PRKAR1A: variants seen among roughly 807,000 people sequenced by gnomAD.
PRKAR1A encodes the protein cAMP-dependent protein kinase type I-alpha regulatory subunit.
PRKAR1A carries 3 observed loss-of-function variants against 52.0 expected under a neutral mutation model. That is an observed-to-expected ratio of 0.06 (90% confidence interval 0.03 to 0.15). The LOEUF is 0.15. Ranked by LOEUF, PRKAR1A falls within the 10% of genes least tolerant of loss-of-function variation. The probability of loss-of-function intolerance (pLI) is 1.00; values close to 1 mark genes in which losing one functional copy is unlikely to be tolerated. For synonymous variants in PRKAR1A, 188 were observed against 168.4 expected, an observed-to-expected ratio of 1.12 and a Z score of -0.90; for missense variants, 240 against 477.4, an observed-to-expected ratio of 0.50 and a Z score of 4.63.
At chr17:68,482,441 T>C in the PRKAR1A span, among the ~76,000 whole-genome samples, 1 of 152,214 alleles carries the variant, frequency 6.6e-6, no homozygotes, top group African/African-American at 2.4e-5. Context: ...TGCTATAATA[T>C]AGAAACAAGG....
the PRKAR1A span, among the ~76,000 whole-genome samples, chr17:68,497,744 C>T: frequency 3.3e-5 from 5 of 152,178 alleles, no homozygotes; most frequent in African/African-American, 4.8e-5. Flanking sequence ...CAAGGTTACA[C>T]AGCCAGAGAG....
Position 68,525,922 on chromosome 17 carries a change from C to CATG in PRKAR1A, c.708+11_708+13dup. The CATG allele has an allele frequency of 6.2e-7, 1 of 1,613,242 alleles. No homozygotes were observed. Among genetic ancestry groups the CATG allele is most frequent in the Non-Finnish European group, 8.5e-7 (1 of 1,179,618 alleles). ...TAGAAGAATCCTCATGGTAAGAGAC[C>CATG]ATGGTGTTTGAGAGTGTGATTTAGA... On this transcript the variant is annotated intron_variant, in intron 7 of 10. Coordinates refer to ENST00000589228, the MANE Select transcript of PRKAR1A (RefSeq NM_002734.5).
Position 68,530,019 on chromosome 17 carries a change from C to T in PRKAR1A, c.973+18C>T, listed in dbSNP as rs942301249. On this transcript the variant is annotated intron_variant, in intron 10 of 10. Coordinates refer to ENST00000589228, the MANE Select transcript of PRKAR1A (RefSeq NM_002734.5). ...TTATTTTGGTATGTATGAATTCCCT[C>T]ACAATAAATACATGGTTTCTTTAAG... is the stretch of plus-strand genomic sequence containing the variant. 6.2e-7 allele frequency: 1 copy of T among 1,605,282 alleles called. No homozygotes were observed. The highest frequency in any genetic ancestry group is 1.1e-5 in the South Asian group (1 of 90,884).
chr17:68,436,522 G>C, the PRKAR1A span: 2 of 1,582,336 alleles, frequency 1.3e-6, no homozygotes, highest in Non-Finnish European at 1.7e-6. Flanking sequence ...GGGGCCAAGG[G>C]AGAGATTGCA....
At chr17:68,454,466 G>T in the PRKAR1A span, among the ~76,000 whole-genome samples, 1 of 152,158 alleles carries the variant, frequency 6.6e-6, no homozygotes, top group Non-Finnish European at 1.5e-5. Flanking sequence ...CAGGGATAGG[G>T]CAACTACAGT....
chr17:68,416,232 G>A, the PRKAR1A span, among the ~76,000 whole-genome samples: 4 of 152,190 alleles, frequency 2.6e-5, no homozygotes, highest in African/African-American at 9.6e-5. Context: ...CTTGGTAGTG[G>A]TGAATTTTCT....
At chr17:68,502,940 A>G in the PRKAR1A span, among the ~76,000 whole-genome samples, 1 of 152,306 alleles carries the variant, frequency 6.6e-6, no homozygotes, top group East Asian at 1.9e-4. Flanking sequence ...TTAGTCTAAT[A>G]ATGTATTCAA....
chr17:68,452,917 G>A, the PRKAR1A span: 22 of 1,613,564 alleles, frequency 1.4e-5, no homozygotes, highest in East Asian at 6.7e-5. Flanking sequence ...TACTGCTTCC[G>A]TGGACTTGAT....
At chr17:68,541,107 G>T in intron 11 of PRKAR1A, 1 of 1,169,466 alleles carries the variant, frequency 8.6e-7, no homozygotes, top group Non-Finnish European at 1.2e-6. Flanking sequence ...AAGGCCCTGG[G>T]CAAGGACGCG....
At chr17:68,475,285 C>A in the PRKAR1A span, among the ~76,000 whole-genome samples, 1 of 152,156 alleles carries the variant, frequency 6.6e-6, no homozygotes, top group Non-Finnish European at 1.5e-5. Flanking sequence ...GACACCTGTG[C>A]CCTTGTTTCT....
the PRKAR1A span, chr17:68,433,679 G>T: frequency 1.3e-6 from 1 of 796,258 alleles, no homozygotes; most frequent in Non-Finnish European, 2.0e-6. Flanking sequence ...ATCCTGAAGA[G>T]CCTAGGTAGA....
exon 12 of PRKAR1A, chr17:68,551,148 G>T (rs1346593590): frequency 2.4e-6 from 3 of 1,232,434 alleles, no homozygotes; most frequent in Non-Finnish European, 3.0e-6. Flanking sequence ...AACTCTAGGA[G>T]ACCCTAACCT....
chr17:68,508,649 AC>A (rs999004280), upstream of PRKAR1A, among the ~76,000 whole-genome samples: 3 of 152,224 alleles, frequency 2.0e-5, no homozygotes, highest in African/African-American at 7.2e-5. Context: ...ACAAACCTGC[AC>A]CTGTACCCCT....
At chr17:68,429,601 T>C in the PRKAR1A span, among the ~76,000 whole-genome samples, 4 of 152,170 alleles carry the variant, frequency 2.6e-5, no homozygotes, top group African/African-American at 9.7e-5. Flanking sequence ...TTTCTTTTTC[T>C]TTTTTGAGAT....
the PRKAR1A span, chr17:68,422,765 A>C: frequency 6.7e-6 from 1 of 148,196 alleles, no homozygotes; most frequent in Non-Finnish European, 1.5e-5. Context: ...AGGGAAGGTC[A>C]GTTTATACCC....
chr17:68,531,241 C>G lies in PRKAR1A; in HGVS notation c.*792C>G, dbSNP rs1379142311. The G allele has an allele frequency of 2.8e-6, 3 of 1,066,254 alleles. No individual in the cohort carries two copies. The highest frequency in any genetic ancestry group is 3.4e-6 in the Non-Finnish European group (3 of 879,652). The allele number at this position is 1,066,254 out of a possible 1,614,324, so 66.0% of individuals were successfully genotyped here. Reference sequence around the variant, plus strand: ...AAATTCCGATTAGACCTTTATCCAGCTAGTGCCAAATAATTGATCAGATGC... The same window carrying G: ...AAATTCCGATTAGACCTTTATCCAGGTAGTGCCAAATAATTGATCAGATGC... On this transcript the variant is annotated 3_prime_UTR_variant, in exon 11 of 11. Transcript: ENST00000589228.
chr17:68,507,950 G>A (rs942497691), upstream of PRKAR1A, among the ~76,000 whole-genome samples: 3 of 152,176 alleles, frequency 2.0e-5, no homozygotes, highest in African/African-American at 4.8e-5. Flanking sequence ...CACAAGTCTA[G>A]ATGTTGCTGT....
At chr17:68,533,770 T>A (rs2086038210), downstream of PRKAR1A, among the ~76,000 whole-genome samples, 1 of 152,236 alleles carries the variant, frequency 6.6e-6, no homozygotes, top group Admixed American at 6.5e-5. Context: ...TCTCACTCTG[T>A]CACCCAGGCT....
the PRKAR1A span, chr17:68,414,326 A>G: frequency 1.7e-3 from 256 of 152,276 alleles, no homozygotes; most frequent in African/African-American, 5.9e-3. Context: ...ATTTATTGAC[A>G]TATCACATTT....
Sources: gnomAD v4.1 joint callset for allele counts (sites outside exome capture counted in the v4.1 genomes callset) on GRCh38, gnomAD v4.1.1 for gene constraint, MANE v1.5 for transcripts, NCBI Gene and HGNC (gene_info 2026-07-23, HGNC 2026-07-21) for gene names.